Variants in DCC observed in about 807,000 individuals in gnomAD.
The protein encoded by DCC is DCC netrin 1 receptor, also known as netrin receptor DCC.
DCC carries 58 observed loss-of-function variants against 172.5 expected under a neutral mutation model. That is an observed-to-expected ratio of 0.34 (90% CI 0.27 to 0.42). DCC has a LOEUF of 0.42. DCC is among the 10% of genes least tolerant of loss of function. The pLI, the probability that DCC is intolerant of heterozygous loss-of-function variation, is 1.00. For synonymous variants in DCC, 709 were observed against 644.5 expected (o/e 1.10, Z -1.52); for missense variants, 1,740 against 1,791.0 (o/e 0.97, Z 0.51).
intron 2 of DCC, among the ~76,000 whole-genome samples, chr18:52,849,093 C>CTGTGTG (rs149378500): frequency 0.011 from 1,691 of 150,344 alleles, 25 homozygotes; most frequent in African/African-American, 0.037. Context: ...TCAACCTACT[C>CTGTGTG]TGTGTGTGTG....
chr18:52,971,609 G>A (rs2041032075), intron 5 of DCC, among the ~76,000 whole-genome samples: 1 of 151,924 alleles, frequency 6.6e-6, no homozygotes, highest in Non-Finnish European at 1.5e-5. Flanking sequence ...ACAGAAGCAA[G>A]AAAAAGGAAC....
chr18:53,354,379 A>G (rs1349946134), intron 15 of DCC, among the ~76,000 whole-genome samples: 1 of 152,168 alleles, frequency 6.6e-6, no homozygotes, highest in Admixed American at 6.5e-5. Flanking sequence ...AGTCCCACCA[A>G]CAGTGTAAAA....
intron 23 of DCC, among the ~76,000 whole-genome samples, chr18:53,451,854 T>C (rs1475595125): frequency 6.6e-6 from 1 of 152,174 alleles, no homozygotes; most frequent in Non-Finnish European, 1.5e-5. Context: ...AAGATATACA[T>C]ACTGAAGAAA....
intron 5 of DCC, among the ~76,000 whole-genome samples, chr18:53,039,371 A>G (rs1332958579): frequency 2.6e-5 from 4 of 152,094 alleles, no homozygotes; most frequent in African/African-American, 9.7e-5. Context: ...GTCTCATAAA[A>G]TGTGAATTAC....
At chr18:53,160,905 A>G (rs2054828730) in intron 8 of DCC, among the ~76,000 whole-genome samples, 1 of 152,128 alleles carries the variant, frequency 6.6e-6, no homozygotes, top group Non-Finnish European at 1.5e-5. Context: ...CCATAAAACA[A>G]CTGCCTGTAC....
intron 5 of DCC, among the ~76,000 whole-genome samples, chr18:52,929,817 AACACACACACACACACACAC>A (rs34457182): frequency 1.8e-4 from 26 of 144,790 alleles, no homozygotes; most frequent in Admixed American, 4.1e-4. Context: ...GGACTTTGCA[AACACACACACACACACACAC>A]ACACACACAC....
At chr18:52,392,413 C>A (rs7228794) in intron 1 of DCC, among the ~76,000 whole-genome samples, 4,775 of 152,168 alleles carry the variant, frequency 0.031, 223 homozygotes, top group African/African-American at 0.11. Context: ...AATAGGATGA[C>A]TGCACATAAG....
chr18:52,894,972 A>G (rs2039707005), intron 2 of DCC, among the ~76,000 whole-genome samples: 1 of 152,226 alleles, frequency 6.6e-6, no homozygotes, highest in South Asian at 2.1e-4. Flanking sequence ...GGTGACACGT[A>G]GAATTAGTCA....
intron 1 of DCC, among the ~76,000 whole-genome samples, chr18:52,718,663 C>T (rs1477320748): frequency 6.6e-6 from 1 of 152,146 alleles, no homozygotes; most frequent in Non-Finnish European, 1.5e-5. Flanking sequence ...AGAAGGGATG[C>T]TCTGCAGAGG....
intron 12 of DCC, among the ~76,000 whole-genome samples, chr18:53,260,646 G>T (rs1274554744): frequency 2.6e-5 from 4 of 152,128 alleles, no homozygotes; most frequent in Non-Finnish European, 5.9e-5. Flanking sequence ...GCTACTCGGG[G>T]GTCAGGGACC....
At position 52,835,837 on chromosome 18, in the gene DCC, A is replaced by G. The variant is rs560674671; in HGVS notation, c.413-70207A>G. Among the ~76,000 whole-genome samples the G allele has an allele frequency of 2.2e-3, 332 of 152,380 alleles. 2 individuals are homozygous for G. The highest frequency in any genetic ancestry group is 7.6e-3 in the African/African-American group (316 of 41,600). Reference sequence around the variant, plus strand: ...TTAAAAAATCTTTTCACCTAGGCATAACATTTAAAAATATTTCAAAAAGAT... The same window carrying G: ...TTAAAAAATCTTTTCACCTAGGCATGACATTTAAAAATATTTCAAAAAGAT... On this transcript the variant is annotated intron_variant, in intron 2 of 28. Coordinates refer to ENST00000442544, the MANE Select transcript of DCC (RefSeq NM_005215.4).
At chr18:53,402,727 A>G in intron 18 of DCC, 59 bp from the exon 19 acceptor site, 7 of 1,126,030 alleles carry the variant, frequency 6.2e-6, no homozygotes, top group Non-Finnish European at 9.4e-6. Flanking sequence ...GAAATTTCCA[A>G]CAATGTTTAT....
At chr18:53,413,458 G>A (rs1306972076) in intron 20 of DCC, among the ~76,000 whole-genome samples, 1 of 152,112 alleles carries the variant, frequency 6.6e-6, no homozygotes, top group Non-Finnish European at 1.5e-5. Flanking sequence ...CTAATAAAAG[G>A]TAGTTATGAG....
At chr18:52,404,709 T>C (rs1195325732) in intron 1 of DCC, among the ~76,000 whole-genome samples, 1 of 151,736 alleles carries the variant, frequency 6.6e-6, no homozygotes, top group Non-Finnish European at 1.5e-5. Context: ...ATGTGCACAT[T>C]GTGCAGGTTA....
chr18:52,757,159 A>G (rs1192871812), intron 2 of DCC: 1 of 152,184 alleles, frequency 6.6e-6, no homozygotes, highest in Non-Finnish European at 1.5e-5. Flanking sequence ...CACTGGATCT[A>G]CTATTATGTT....
At position 53,380,289 on chromosome 18, in the gene DCC, C is replaced by A. The variant is rs558975899; in HGVS notation, c.2360-5754C>A. The stretch of plus-strand genomic sequence containing the variant: ...TCCAGTGGCACAGTGGTAAATTACA[C>A]CCTTCTTACATACTGGTAGAAAACC... On this transcript the variant is annotated intron_variant, in intron 15 of 28. Transcript: ENST00000442544. Among the ~76,000 whole-genome samples the A allele has an allele frequency of 2.6e-5, 4 of 152,246 alleles. No homozygotes were observed. The South Asian group carries it at 8.3e-4, about 32-fold the overall frequency.
intron 1 of DCC, among the ~76,000 whole-genome samples, chr18:52,439,373 C>G (rs965103670): frequency 2.0e-5 from 3 of 152,002 alleles, no homozygotes; most frequent in Admixed American, 2.0e-4. Flanking sequence ...TCACTTTTGG[C>G]ATGGAACCTG....
chr18:52,689,573 C>T (rs183262936), intron 1 of DCC, among the ~76,000 whole-genome samples: 20 of 152,152 alleles, frequency 1.3e-4, no homozygotes, highest in Middle Eastern at 3.4e-3. Flanking sequence ...TGTCTTCAAG[C>T]GCAGTGCCTA....
chr18:52,994,219 A>T (rs2041442792), intron 5 of DCC, among the ~76,000 whole-genome samples: 1 of 152,136 alleles, frequency 6.6e-6, no homozygotes, highest in Admixed American at 6.6e-5. Flanking sequence ...AGTTGAATTT[A>T]TTGACAGAAT....
Sources: allele counts gnomAD v4.1 joint callset (sites outside exome capture counted in the v4.1 genomes callset), GRCh38; gene constraint gnomAD v4.1.1; transcripts MANE v1.5; gene names NCBI Gene and HGNC (gene_info 2026-07-23, HGNC 2026-07-21).